AKR1C4: variants seen among roughly 807,000 people sequenced by gnomAD.
AKR1C4 encodes 3-alpha-HSD1.
A neutral mutation model predicts 41.0 loss-of-function variants in AKR1C4; 44 were observed. The observed-to-expected ratio is 1.07, with a 90% CI of 0.84 to 1.38. The LOEUF (loss-of-function observed/expected upper bound fraction) is 1.38, where lower values mean the gene tolerates loss of function less well. Ranked by LOEUF, AKR1C4 falls within the 40% of genes most tolerant of loss-of-function variation. The probability of loss-of-function intolerance (pLI) is 0.00; values close to 1 mark genes in which losing one functional copy is unlikely to be tolerated. For synonymous variants in AKR1C4, 165 were observed against 137.7 expected, an observed-to-expected ratio of 1.20 and a Z score of -1.39; for missense variants, 438 against 387.9, an observed-to-expected ratio of 1.13 and a Z score of -1.09.
At chr10:5,217,116 T>G (rs1554798598) in intron 8 of AKR1C4, among the ~76,000 whole-genome samples, 1 of 152,282 alleles carries the variant, frequency 6.6e-6, no homozygotes, top group African/African-American at 2.4e-5. Context: ...ACAGTAGATA[T>G]TGCCCATATG....
chr10:5,200,252 T>A lies in AKR1C4; in HGVS notation c.156T>A (p.Ala52=). Residue 52 remains alanine, a synonymous_variant, in exon 2 of 9, where the codon GCT becomes GCA. Transcript: ENST00000263126. ...IEAGFRHIDS[A]YLYNNEEQVG... ...CTGGCTTCCGCCATATTGATTCTGC[T>A]TATTTATACAATAATGAGGAGCAGG... 1 of 1,614,214 alleles carries A rather than the reference T, an allele frequency of 6.2e-7. No homozygotes were observed. The highest frequency in any genetic ancestry group is 1.3e-5 in the African/African-American group (1 of 75,074).
At chr10:5,215,497 A>C (rs1326781766) in intron 7 of AKR1C4, among the ~76,000 whole-genome samples, 1 of 152,154 alleles carries the variant, frequency 6.6e-6, no homozygotes, top group African/African-American at 2.4e-5. Flanking sequence ...AGGCTTCAGG[A>C]AGCTTTAAGT....
chr10:5,198,090 G>T (rs1280022651), intron 1 of AKR1C4, among the ~76,000 whole-genome samples: 1 of 152,164 alleles, frequency 6.6e-6, no homozygotes, highest in African/African-American at 2.4e-5. Flanking sequence ...TGGTAGATAA[G>T]TCAATAATTT....
chr10:5,208,019 A>G (rs993406980), intron 5 of AKR1C4, among the ~76,000 whole-genome samples: 3 of 147,056 alleles, frequency 2.0e-5, no homozygotes, highest in Non-Finnish European at 4.4e-5. Flanking sequence ...CCAGAACACA[A>G]TTGTGGAAAT....
At chr10:5,212,533 T>C in intron 5 of AKR1C4, 83 bp from the exon 6 acceptor site, 1 of 1,228,896 alleles carries the variant, frequency 8.1e-7, no homozygotes, top group Non-Finnish European at 1.1e-6. Context: ...TTTAATGTTA[T>C]ACTTTATTCA....
At chr10:5,210,073 AG>A in intron 5 of AKR1C4, among the ~76,000 whole-genome samples, 1 of 152,330 alleles carries the variant, frequency 6.6e-6, no homozygotes, top group South Asian at 2.1e-4. Flanking sequence ...ATGGCGGTAC[AG>A]GCATTGGGCA....
At chr10:5,207,426 A>G in intron 5 of AKR1C4, 1 of 339,100 alleles carries the variant, frequency 2.9e-6, no homozygotes, top group Non-Finnish European at 6.0e-6. Flanking sequence ...TGTAGAAGCC[A>G]TATGCAAGAT....
At chr10:5,205,382 G>A (rs1332179610) in intron 3 of AKR1C4, among the ~76,000 whole-genome samples, 1 of 152,164 alleles carries the variant, frequency 6.6e-6, no homozygotes, top group Non-Finnish European at 1.5e-5. Context: ...AGGGGGATAA[G>A]GAACTCTTAT....
In AKR1C4 at chr10:5,218,727, C is replaced by T. The variant is rs1383503952; in HGVS notation, c.939C>T (p.Asp313=). 1 of 1,601,510 alleles carries T rather than the reference C, an allele frequency of 6.2e-7. No individual in the cohort carries two copies. The highest frequency in any genetic ancestry group is 1.3e-5 in the African/African-American group (1 of 74,750). Residue 313 remains aspartate, a synonymous_variant, in exon 9 of 9, where the codon GAC becomes GAT. Coordinates refer to ENST00000263126, the MANE Select transcript of AKR1C4 (RefSeq NM_001818.5). ...TCCTTTCTCTTTTCAGTCTTATGGACCATCCTGATTATCCATTTTCAGATG... is the reference window on the plus strand; with the variant it reads ...TCCTTTCTCTTTTCAGTCTTATGGATCATCCTGATTATCCATTTTCAGATG... The part of the protein sequence containing the change: ...YRYVVMDFLM[D]HPDYPFSDEY
chr10:5,208,471 A>G (rs1048002031), intron 5 of AKR1C4, among the ~76,000 whole-genome samples: 7 of 151,612 alleles, frequency 4.6e-5, no homozygotes, highest in Non-Finnish European at 8.8e-5. Context: ...GTTATCATCT[A>G]TTTCCAAAAT....
At chr10:5,202,583 CA>C (rs1257457819) in intron 2 of AKR1C4, 4 of 370,750 alleles carry the variant, frequency 1.1e-5, no homozygotes, top group Non-Finnish European at 2.2e-5. Context: ...TGTCTTATTC[CA>C]GTTTTCAGGG....
chr10:5,216,409 T>A (rs1170365513), intron 7 of AKR1C4, among the ~76,000 whole-genome samples: 2 of 152,242 alleles, frequency 1.3e-5, no homozygotes, highest in Non-Finnish European at 2.9e-5. Context: ...CTCTAGATTC[T>A]TCTGAATCTA....
At chr10:5,205,912 T>C (rs1037085663) in intron 4 of AKR1C4, 78 bp downstream of exon 4, 14 of 1,371,444 alleles carry the variant, frequency 1.0e-5, no homozygotes, top group Non-Finnish European at 6.1e-6. Context: ...ATATGCAACA[T>C]TGGAATATGC....
At chr10:5,197,629 C>T (rs1006241231) in intron 1 of AKR1C4, among the ~76,000 whole-genome samples, 1 of 152,136 alleles carries the variant, frequency 6.6e-6, no homozygotes, top group East Asian at 1.9e-4. Flanking sequence ...CCCTCTGACA[C>T]GGAAGTGGGC....
chr10:5,200,422 G>C, intron 2 of AKR1C4, 74 bp downstream of exon 2: 1 of 1,518,314 alleles, frequency 6.6e-7, no homozygotes, highest in Non-Finnish European at 8.8e-7. Context: ...TCTGTAACTG[G>C]TTCAGTAGTT....
chr10:5,205,458 G>C (rs1455234063), intron 3 of AKR1C4, among the ~76,000 whole-genome samples: 2 of 152,156 alleles, frequency 1.3e-5, no homozygotes, highest in East Asian at 3.8e-4. Flanking sequence ...GAGTCAAAGA[G>C]AGGCATTTCC....
intron 5 of AKR1C4, among the ~76,000 whole-genome samples, chr10:5,210,605 A>C (rs1294419475): frequency 6.5e-5 from 2 of 30,786 alleles, no homozygotes; most frequent in Non-Finnish European, 1.4e-4. Context: ...CCCAAACCTC[A>C]ATTTTTTTTT....
chr10:5,207,515 G>C, intron 5 of AKR1C4: 2 of 465,338 alleles, frequency 4.3e-6, no homozygotes, highest in Non-Finnish European at 8.3e-6. Context: ...TTATAAAATA[G>C]GGTATAAGAA....
At chr10:5,205,608 C>T (rs1245252311) in intron 3 of AKR1C4, 149 bp from the exon 4 acceptor site, 1 of 503,784 alleles carries the variant, frequency 2.0e-6, no homozygotes, top group East Asian at 3.3e-5. Context: ...TTCCTTAAAA[C>T]TCTGTACGTG....
Sources: gnomAD v4.1 joint callset for allele counts (sites outside exome capture counted in the v4.1 genomes callset) on GRCh38, gnomAD v4.1.1 for gene constraint, MANE v1.5 for transcripts, NCBI Gene and HGNC (gene_info 2026-07-23, HGNC 2026-07-21) for gene names.